The following GIN1 variants were observed in gnomAD, a reference collection of about 807,000 sequenced individuals.
The protein encoded by GIN1 is gypsy retrotransposon integrase 1.
In GIN1, 41 loss-of-function variants were observed where a neutral mutation model predicts 51.4. The ratio of observed to expected loss-of-function variants is 0.80; its 90% CI spans 0.62 to 1.04. GIN1 has a LOEUF of 1.04. Among genes scored for constraint, GIN1 ranks in the 50% least tolerant of loss-of-function variants. The pLI is 0.00. For missense variants in GIN1, 610 were observed against 612.4 expected (o/e 1.00, Z 0.04); for synonymous variants, 222 against 206.5 (o/e 1.07, Z -0.64).
chr5:103,105,155 G>C (rs574902564), intron 3 of GIN1, among the ~76,000 whole-genome samples: 1 of 152,140 alleles, frequency 6.6e-6, no homozygotes, highest in African/African-American at 2.4e-5. Flanking sequence ...TATTGATAGG[G>C]AGGGATGAGA....
intron 7 of GIN1, among the ~76,000 whole-genome samples, chr5:103,092,560 C>A (rs1254094826): frequency 6.6e-6 from 1 of 152,068 alleles, no homozygotes; most frequent in Non-Finnish European, 1.5e-5. Flanking sequence ...TATCCTTTCT[C>A]AAGATAAAAT....
intron 7 of GIN1, among the ~76,000 whole-genome samples, chr5:103,093,532 G>T (rs958537357): frequency 6.6e-6 from 1 of 152,164 alleles, no homozygotes; most frequent in Admixed American, 6.5e-5. Flanking sequence ...CTAACCTTCA[G>T]AATTGTAATA....
intron 7 of GIN1, 124 bp downstream of exon 7, chr5:103,096,417 T>G: frequency 1.3e-6 from 1 of 747,110 alleles, no homozygotes; most frequent in African/African-American, 1.8e-5. Flanking sequence ...TAGCTAAAAC[T>G]GTAACAAATT....
At chr5:103,106,488 T>A (rs932226176) in intron 3 of GIN1, 1 of 338,930 alleles carries the variant, frequency 3.0e-6, no homozygotes, top group Non-Finnish European at 5.3e-6. Context: ...TTTTAAATAA[T>A]CTCTTATTTA....
chr5:103,105,147 TTG>T (rs1184844051), intron 3 of GIN1, among the ~76,000 whole-genome samples: 1 of 151,892 alleles, frequency 6.6e-6, no homozygotes, highest in African/African-American at 2.4e-5. Context: ...AAGTACTCTA[TTG>T]ATAGGGAGGG....
intron 1 of GIN1, among the ~76,000 whole-genome samples, chr5:103,116,840 A>T (rs1554197415): frequency 6.6e-6 from 1 of 152,082 alleles, no homozygotes; most frequent in East Asian, 1.9e-4. Context: ...AATAGATAAT[A>T]AAAAATGTAA....
intron 1 of GIN1, among the ~76,000 whole-genome samples, chr5:103,116,602 T>G (rs1263019730): frequency 6.6e-6 from 1 of 151,942 alleles, no homozygotes; most frequent in Non-Finnish European, 1.5e-5. Flanking sequence ...CAGCTATGCA[T>G]AAAGAAAAAA....
intron 4 of GIN1, 37 bp downstream of exon 4, chr5:103,104,504 G>C: frequency 1.0e-6 from 1 of 998,698 alleles, no homozygotes; most frequent in Middle Eastern, 3.3e-4. Flanking sequence ...AAAGAAGTAA[G>C]ATATGCTCCC....
At chr5:103,099,330 T>C (rs1212924765) in intron 4 of GIN1, among the ~76,000 whole-genome samples, 3 of 151,994 alleles carry the variant, frequency 2.0e-5, no homozygotes, top group Non-Finnish European at 4.4e-5. Context: ...GTGAATACAA[T>C]AGGAGTGACT....
At chr5:103,096,888 T>G in intron 6 of GIN1, 62 bp from the exon 7 acceptor site, 9 of 1,013,678 alleles carry the variant, frequency 8.9e-6, no homozygotes, top group Non-Finnish European at 1.3e-5. Context: ...TGAAGGTAAA[T>G]GCAAATAATG....
intron 4 of GIN1, among the ~76,000 whole-genome samples, chr5:103,101,698 T>A (rs1171189429): frequency 2.0e-5 from 3 of 152,208 alleles, no homozygotes; most frequent in Non-Finnish European, 2.9e-5. Flanking sequence ...AAAGCAAAAG[T>A]ATGGGTGAGG....
intron 3 of GIN1, 90 bp from the exon 4 acceptor site, chr5:103,104,936 G>A (rs1787683513): frequency 1.3e-6 from 1 of 757,168 alleles, no homozygotes; most frequent in African/African-American, 1.8e-5. Flanking sequence ...ATTTTAAAAT[G>A]GTTAATAGGT....
chr5:103,090,285 T>C (rs576321554), intron 7 of GIN1, among the ~76,000 whole-genome samples: 6 of 152,134 alleles, frequency 3.9e-5, no homozygotes, highest in Non-Finnish European at 7.4e-5. Context: ...CGAGACTCTG[T>C]CTCAACAACA....
chr5:103,103,614 T>C (rs34825), intron 4 of GIN1, among the ~76,000 whole-genome samples: 38,844 of 152,126 alleles, frequency 0.26, 5,530 homozygotes, highest in East Asian at 0.45. Flanking sequence ...TTGTATTTCT[T>C]ATAAAAAGTT....
intron 5 of GIN1, 23 bp downstream of exon 5, chr5:103,097,567 C>T (rs1161493660): frequency 1.9e-6 from 3 of 1,542,930 alleles, no homozygotes; most frequent in African/African-American, 2.7e-5. Context: ...CTCAGAAGTA[C>T]AGAATTATAA....
chr5:103,100,920 A>G (rs1787554876), intron 4 of GIN1, among the ~76,000 whole-genome samples: 1 of 152,180 alleles, frequency 6.6e-6, no homozygotes, highest in East Asian at 1.9e-4. Context: ...CTAATTTCCT[A>G]TCAGATCTGA....
In GIN1 at chr5:103,093,172, A is replaced by C. The variant is rs115620516; in HGVS notation, c.1294+3369T>G. On this transcript the variant is annotated intron_variant, in intron 7 of 7. Transcript: ENST00000399004. Reference sequence around the variant, plus strand: ...ACATACTACTCCTTGGATCCTGTGAATATGTAATCTTACATGGTGAAGGAG... The same window carrying C: ...ACATACTACTCCTTGGATCCTGTGACTATGTAATCTTACATGGTGAAGGAG... Among the ~76,000 whole-genome samples, 494 of 152,260 alleles carry C rather than the reference A, an allele frequency of 3.2e-3. 1 individual carries two copies. The highest frequency in any genetic ancestry group is 0.011 in the African/African-American group (459 of 41,556).
chr5:103,098,757 C>T (rs879947150), intron 4 of GIN1, among the ~76,000 whole-genome samples: 3 of 152,116 alleles, frequency 2.0e-5, no homozygotes, highest in African/African-American at 4.8e-5. Context: ...CTGTACCCGG[C>T]CCTCAAGTAA....
rs1165994889 is a variant in GIN1 at position 103,086,066 on chromosome 5, C to T, written c.*1832G>A. ...GCAAAAGTCTGAGATAAGGTATTGACAGGGTTGGTCTTCTGAGGAATGAGG... is the reference window on the plus strand; with the variant it reads ...GCAAAAGTCTGAGATAAGGTATTGATAGGGTTGGTCTTCTGAGGAATGAGG... On this transcript the variant is annotated 3_prime_UTR_variant, in exon 8 of 8. Coordinates refer to ENST00000399004, the MANE Select transcript of GIN1 (RefSeq NM_017676.2). 2 of 152,188 alleles carry T rather than the reference C, an allele frequency of 1.3e-5. No homozygotes were observed. Among genetic ancestry groups the T allele is most frequent in the Non-Finnish European group, 2.9e-5 (2 of 68,042 alleles). 9.4% of individuals were successfully genotyped at this position (152,188 alleles called of 1,614,324 possible). A position where few individuals can be genotyped will look rare whatever the true frequency, so the allele number is the denominator to read the frequency against.
Sources: allele counts gnomAD v4.1 joint callset (sites outside exome capture counted in the v4.1 genomes callset), GRCh38; gene constraint gnomAD v4.1.1; transcripts MANE v1.5; gene names NCBI Gene and HGNC (gene_info 2026-07-23, HGNC 2026-07-21).